CPLANE1: variants seen among roughly 807,000 people sequenced by gnomAD.
The protein encoded by CPLANE1 is ciliogenesis and planar polarity effector 1.
A neutral mutation model predicts 362.5 loss-of-function variants in CPLANE1; 263 were observed. That is an observed-to-expected ratio of 0.73 (90% CI 0.66 to 0.80). CPLANE1 has a LOEUF of 0.80. Among genes scored for constraint, CPLANE1 ranks in the 30% least tolerant of loss-of-function variants. The probability of loss-of-function intolerance (pLI) is 0.00; values close to 1 mark genes in which losing one functional copy is unlikely to be tolerated. For missense variants in CPLANE1, 3,461 were observed against 3,793.4 expected (o/e 0.91, Z 2.30); for synonymous variants, 1,212 against 1,302.6 (o/e 0.93, Z 1.50).
chr5:37,104,414 C>T (rs906561928), downstream of CPLANE1, among the ~76,000 whole-genome samples: 22 of 151,382 alleles, frequency 1.5e-4, no homozygotes, highest in African/African-American at 5.3e-4. Flanking sequence ...GCCTGGCCAA[C>T]AAGGTGAAAC....
Position 37,173,961 on chromosome 5 carries a change from A to ATACTT in CPLANE1, c.5979-15_5979-14insAAGTA. ...GAAATCTGTGCACTGCGTGGAAAGC[A>ATACTT]TTTAAATAAAAAACATGCATTAAAA... On this transcript the variant is annotated splice_polypyrimidine_tract_variant and intron_variant, in intron 31 of 52. Transcript: ENST00000651892. 6.3e-7 allele frequency: 1 copy of ATACTT among 1,597,468 alleles called. No individual in the cohort carries two copies. The highest frequency in any genetic ancestry group is 1.1e-5 in the South Asian group (1 of 89,500).
At chr5:37,228,949 G>A (rs563209865) in intron 9 of CPLANE1, among the ~76,000 whole-genome samples, 14 of 152,214 alleles carry the variant, frequency 9.2e-5, no homozygotes, top group Admixed American at 6.5e-4. Context: ...TTTTCCATTA[G>A]CATTGCCAAT....
chr5:37,227,956 T>C, intron 9 of CPLANE1, 139 bp from the exon 10 acceptor site: 1 of 774,182 alleles, frequency 1.3e-6, no homozygotes, highest in East Asian at 2.7e-5. Context: ...ATTAAATGTG[T>C]TTATATCTTT....
intron 47 of CPLANE1, chr5:37,124,823 T>C (rs1334827346): frequency 1.0e-6 from 1 of 966,202 alleles, no homozygotes; most frequent in Non-Finnish European, 1.2e-6. Flanking sequence ...CAAAGTTTTC[T>C]AAGCAAATAA....
Position 37,135,610 on chromosome 5 carries a change from G to A in CPLANE1, c.8792+3110C>T, listed in dbSNP as rs551060493. On this transcript the variant is annotated intron_variant, in intron 46 of 52. Transcript: ENST00000651892. Reference sequence around the variant, plus strand: ...AGCACTTTGGGAAGTCGAGGTGGGCGGATCACAAGGTCAGCAGATTGAGAC... The same window carrying A: ...AGCACTTTGGGAAGTCGAGGTGGGCAGATCACAAGGTCAGCAGATTGAGAC... Among the ~76,000 whole-genome samples, 24 of 152,230 alleles carry A rather than the reference G, an allele frequency of 1.6e-4. No individual in the cohort carries two copies. The South Asian group carries it at 3.5e-3, about 22-fold the overall frequency.
chr5:37,239,516 G>A (rs1212024626), intron 7 of CPLANE1, among the ~76,000 whole-genome samples, 197 bp downstream of exon 7: 2 of 145,718 alleles, frequency 1.4e-5, no homozygotes, highest in African/African-American at 2.6e-5. Flanking sequence ...CCAGGAGGTC[G>A]AGGCTGCAGC....
chr5:37,157,761 G>A lies in CPLANE1; in HGVS notation c.7920C>T (p.Ser2640=), dbSNP rs141486731. The part of the protein sequence containing the change: ...PSNDNVIKQQ[S]DHLAVPSSAE... Reference sequence around the variant, plus strand: ...CAGACGATGGAACTGCTAGATGATCGCTTTGCTGTTTGATAACATTATCAT... The same window carrying A: ...CAGACGATGGAACTGCTAGATGATCACTTTGCTGTTTGATAACATTATCAT... Residue 2640 remains serine (S), a synonymous_variant, in exon 40 of 53, where the codon AGC becomes AGT. Transcript: ENST00000651892. 551 of 1,613,568 alleles carry A rather than the reference G, an allele frequency of 3.4e-4. 3 individuals carry two copies. The East Asian group carries it at 8.5e-3, about 25-fold the overall frequency.
chr5:37,175,945 T>C lies in CPLANE1; in HGVS notation c.5942A>G (p.Gln1981Arg). 8 of 1,613,682 alleles carry C rather than the reference T, an allele frequency of 5.0e-6. No homozygotes were observed. Among genetic ancestry groups the C allele is most frequent in the African/African-American group, 1.3e-5 (1 of 75,016 alleles). ...TGAACTCGTATCTACTTGCATTGAT[T>C]GAGGAGTGGTATGCCCAGGATGTGA... ...AFSHPGHTTPQSMQVDTSSEI... is the reference protein window; with the variant it reads ...AFSHPGHTTPRSMQVDTSSEI... Residue 1981 changes from glutamine to arginine, a missense_variant, in exon 31 of 53, where the codon CAA becomes CGA. Physicochemically the swap from Gln to Arg is conservative, Grantham distance 43 (BLOSUM62 1). Transcript: ENST00000651892.
chr5:37,148,713 G>T (rs1772495628), intron 42 of CPLANE1, among the ~76,000 whole-genome samples: 1 of 152,256 alleles, frequency 6.6e-6, no homozygotes, highest in Admixed American at 6.5e-5. Context: ...GAAGATGTTT[G>T]TATTTATGTG....
At position 37,170,308 on chromosome 5, in the gene CPLANE1, G is replaced by A; in HGVS notation, c.6195C>T (p.Ser2065=). The part of the protein sequence containing the change: ...LVQLQQINFM[S]LMQIVGSSFA... ...AGGATGATCCTACTATTTGCATTAG[G>A]CTCATGAAGTTGATCTGTTGCAGCT... is the stretch of plus-strand genomic sequence containing the variant. The change falls in exon 33 of 53, where the codon AGC becomes AGT. Residue 2065 remains serine, a synonymous_variant. Transcript: ENST00000651892. 1.2e-6 allele frequency: 2 copies of A among 1,613,202 alleles called. No homozygotes were observed. The highest frequency in any genetic ancestry group is 1.7e-6 in the Non-Finnish European group (2 of 1,179,308).
At chr5:37,085,917 AG>A in the CPLANE1 span, 5 of 718,826 alleles carry the variant, frequency 7.0e-6, no homozygotes, top group African/African-American at 3.6e-5. Flanking sequence ...AGGAATTAAT[AG>A]GAAAAAAAAA....
chr5:37,224,091 T>C (rs529972901), intron 14 of CPLANE1, among the ~76,000 whole-genome samples, 162 bp downstream of exon 14: 30 of 152,316 alleles, frequency 2.0e-4, no homozygotes, highest in African/African-American at 7.2e-4. Flanking sequence ...TCATAAGCAC[T>C]CTGAAATTTA....
intron 41 of CPLANE1, among the ~76,000 whole-genome samples, chr5:37,155,633 C>T (rs541289594): frequency 6.6e-6 from 1 of 152,208 alleles, no homozygotes; most frequent in African/African-American, 2.4e-5. Context: ...CCTTAGCCTC[C>T]CAAAGTGTTG....
Position 37,247,779 on chromosome 5 carries a change from T to C in CPLANE1, c.-47-34A>G, listed in dbSNP as rs1740231716. ...AATAATAGTAATAAAATATAAATGA[T>C]GCATAATATTCACTGGGCATTTTTT... On this transcript the variant is annotated intron_variant, in intron 1 of 52. Coordinates refer to ENST00000651892, the MANE Select transcript of CPLANE1 (RefSeq NM_001384732.1). 1.8e-5 allele frequency: 25 copies of C among 1,392,604 alleles called. No individual in the cohort carries two copies. In the South Asian group the frequency reaches 3.2e-4, roughly 18 times the overall value. 86.3% of individuals were successfully genotyped at this position (1,392,604 alleles called of 1,614,324 possible).
rs541080484 is a variant in CPLANE1 at position 37,244,252 on chromosome 5, T to A, written c.570+123A>T. 5.0e-6 allele frequency: 3 copies of A among 603,184 alleles called. No individual in the cohort carries two copies. In the East Asian group the frequency reaches 9.7e-5, roughly 19 times the overall value. 37.4% of individuals were successfully genotyped at this position (603,184 alleles called of 1,614,324 possible). A position where few individuals can be genotyped will look rare whatever the true frequency, so the allele number is the denominator to read the frequency against. On this transcript the variant is annotated intron_variant, in intron 5 of 52. Coordinates refer to ENST00000651892, the MANE Select transcript of CPLANE1 (RefSeq NM_001384732.1). ...AAATGTGACCCAAGAAATATAAAAA[T>A]ATCTTTTCCATACAAGAATTTCACA...
At chr5:37,144,782 C>A (rs553802298) in intron 43 of CPLANE1, among the ~76,000 whole-genome samples, 18 of 146,974 alleles carry the variant, frequency 1.2e-4, no homozygotes, top group Non-Finnish European at 2.4e-4. Flanking sequence ...ACCCAGGAGG[C>A]GGAGTTTGCA....
chr5:37,082,498 G>C, the CPLANE1 span, among the ~76,000 whole-genome samples: 3 of 151,966 alleles, frequency 2.0e-5, no homozygotes, highest in Non-Finnish European at 4.4e-5. Context: ...AAAGACCAAT[G>C]GAACAAAACA....
chr5:37,096,779 A>G, the CPLANE1 span, among the ~76,000 whole-genome samples: 6 of 152,286 alleles, frequency 3.9e-5, 1 homozygote, highest in East Asian at 1.2e-3. Flanking sequence ...AAGATACACA[A>G]ATGGCCAACA....
chr5:37,211,874 G>A, intron 16 of CPLANE1: 1 of 789,098 alleles, frequency 1.3e-6, no homozygotes, highest in South Asian at 1.3e-5. Context: ...ATGTGCCAAG[G>A]CAGTTTGAAA....
Sources: gnomAD v4.1 joint callset for allele counts (sites outside exome capture counted in the v4.1 genomes callset) on GRCh38, gnomAD v4.1.1 for gene constraint, MANE v1.5 for transcripts, NCBI Gene and HGNC (gene_info 2026-07-23, HGNC 2026-07-21) for gene names.